DCP2: variants seen among roughly 807,000 people sequenced by gnomAD.
DCP2 encodes the protein decapping mRNA 2, also known as m7GpppN-mRNA hydrolase.
A neutral mutation model predicts 56.1 loss-of-function variants in DCP2; 30 were observed. The observed-to-expected ratio is 0.53, with a 90% confidence interval of 0.40 to 0.73. The LOEUF (loss-of-function observed/expected upper bound fraction) is 0.73, where lower values mean the gene tolerates loss of function less well. DCP2 is among the 30% of genes least tolerant of loss of function. DCP2 has a pLI of 0.00. For synonymous variants in DCP2, 197 were observed against 163.3 expected (o/e 1.21, Z -1.57); for missense variants, 533 against 502.7 (o/e 1.06, Z -0.58).
intron 9 of DCP2, among the ~76,000 whole-genome samples, chr5:113,008,906 C>T (rs531356667): frequency 1.3e-5 from 2 of 151,820 alleles, no homozygotes; most frequent in Admixed American, 1.3e-4. Context: ...TGCAGTGGCA[C>T]GATCTCGGCT....
chr5:112,999,304 T>C (rs1222872264), intron 4 of DCP2, among the ~76,000 whole-genome samples: 1 of 152,132 alleles, frequency 6.6e-6, no homozygotes, highest in Non-Finnish European at 1.5e-5. Flanking sequence ...AAGAAACATA[T>C]AAAAATTACT....
chr5:112,977,582 A>T (rs1747778448), intron 1 of DCP2, among the ~76,000 whole-genome samples: 1 of 152,072 alleles, frequency 6.6e-6, no homozygotes, highest in Admixed American at 6.5e-5. Context: ...GAGAGGGAAA[A>T]AGTGTAGCGC....
rs184313574 is a variant in DCP2 at position 113,000,980 on chromosome 5, A to G, written c.433-104A>G. 7.2e-6 allele frequency: 8 copies of G among 1,117,348 alleles called. No individual in the cohort carries two copies. In the African/African-American group the frequency reaches 9.4e-5, roughly 13 times the overall value. 69.2% of individuals were successfully genotyped at this position (1,117,348 alleles called of 1,614,324 possible). ...TGTCATTTCTAGAAATAGTAAATAC[A>G]AGTCATGTCCCCTTTTTCTGAGTTT... On this transcript the variant is annotated intron_variant, in intron 4 of 10. Coordinates refer to ENST00000389063, the MANE Select transcript of DCP2 (RefSeq NM_152624.6).
At position 112,990,155 on chromosome 5, in the gene DCP2, C is replaced by T. The variant is rs371869222; in HGVS notation, c.206-1966C>T. On this transcript the variant is annotated intron_variant, in intron 2 of 10. Transcript: ENST00000389063. The stretch of plus-strand genomic sequence containing the variant: ...GGAATTGATGGGTTCTGTTATGGGC[C>T]AGTTGAGTTGATGGTACATGTGGGA... Among the ~76,000 whole-genome samples the T allele has an allele frequency of 1.3e-3, 204 of 152,130 alleles. 1 individual carries two copies. Among genetic ancestry groups the T allele is most frequent in the African/African-American group, 4.8e-3 (199 of 41,512 alleles).
rs1225787378 is a variant in DCP2, at chr5:113,017,677, G to T, written c.*4193G>T. ...TATTGTTATAGAATCAAAGTGTCCT[G>T]AAGGGAGAAGAATAGCTATAGTTGC... On this transcript the variant is annotated 3_prime_UTR_variant, in exon 11 of 11. Coordinates refer to ENST00000389063, the MANE Select transcript of DCP2 (RefSeq NM_152624.6). The T allele has an allele frequency of 6.6e-6, 1 of 152,156 alleles. No individual in the cohort carries two copies. The highest frequency in any genetic ancestry group is 1.9e-4 in the East Asian group (1 of 5,202). The allele number at this position is 152,156 out of a possible 1,614,324, so 9.4% of individuals were successfully genotyped here.
chr5:113,020,962 A>G lies in DCP2; in HGVS notation c.*7478A>G. 1 of 152,210 alleles carries G rather than the reference A, an allele frequency of 6.6e-6. No individual in the cohort carries two copies. The highest frequency in any genetic ancestry group is 1.9e-4 in the East Asian group (1 of 5,202). The allele number at this position is 152,210 out of a possible 1,614,324, so 9.4% of individuals were successfully genotyped here. ...ATTGGCTGCTTGGGCGGTTTTAGTT[A>G]CCACCTTAGCCTGGTTTTCTGCTAC... On this transcript the variant is annotated 3_prime_UTR_variant, in exon 11 of 11. Transcript: ENST00000389063.
intron 1 of DCP2, among the ~76,000 whole-genome samples, chr5:112,979,159 G>T (rs1580787473): frequency 6.6e-6 from 1 of 152,108 alleles, no homozygotes; most frequent in Admixed American, 6.5e-5. Context: ...TTTTTGAATG[G>T]AGTAACATTT....
chr5:112,984,697 A>ATATATATATATATAT lies in DCP2; in HGVS notation c.54-1138_54-1137insTATATATATATATAT, dbSNP rs1436502850. On this transcript the variant is annotated intron_variant, in intron 1 of 10. Coordinates refer to ENST00000389063, the MANE Select transcript of DCP2 (RefSeq NM_152624.6). ...TTTTATTTCTTAATTAAAAAAAAAA[A>ATATATATATATATAT]AAAAAAATATATATATATATATATA... The ATATATATATATATAT allele has an allele frequency of 1.3e-3, 97 of 76,116 alleles. 1 individual carries two copies. Among genetic ancestry groups the ATATATATATATATAT allele is most frequent in the African/African-American group, 1.7e-3 (22 of 12,654 alleles). 4.7% of individuals were successfully genotyped at this position (76,116 alleles called of 1,614,324 possible).
At chr5:112,987,293 G>A (rs1332840272) in intron 2 of DCP2, among the ~76,000 whole-genome samples, 2 of 152,070 alleles carry the variant, frequency 1.3e-5, no homozygotes, top group Non-Finnish European at 2.9e-5. Context: ...AGAAAAATTG[G>A]AGATTTGAAA....
chr5:112,981,499 A>T (rs1748001427), intron 1 of DCP2, among the ~76,000 whole-genome samples: 1 of 152,170 alleles, frequency 6.6e-6, no homozygotes, highest in African/African-American at 2.4e-5. Context: ...TACGTCTGTT[A>T]TATTTTGTGC....
In DCP2 at chr5:113,015,103, A is replaced by T. The variant is rs1406125367; in HGVS notation, c.*1619A>T. 6.6e-6 allele frequency: 1 copy of T among 152,614 alleles called. No individual in the cohort carries two copies. Among genetic ancestry groups the T allele is most frequent in the African/African-American group, 2.4e-5 (1 of 41,448 alleles). The allele number at this position is 152,614 out of a possible 1,614,324, so 9.5% of individuals were successfully genotyped here. ...AATCCTGCATCTTTTAATGTGACAA[A>T]TTTTTGAATCCTGTGACTTTTGCTT... On this transcript the variant is annotated 3_prime_UTR_variant, in exon 11 of 11. Coordinates refer to ENST00000389063, the MANE Select transcript of DCP2 (RefSeq NM_152624.6).
At chr5:112,999,119 G>A (rs1055311668) in intron 4 of DCP2, among the ~76,000 whole-genome samples, 1 of 152,092 alleles carries the variant, frequency 6.6e-6, no homozygotes, top group Admixed American at 6.5e-5. Context: ...GTTAGATACT[G>A]TTGGTAACAC....
rs940332513 is a variant in DCP2 at position 113,019,459 on chromosome 5, G to T, written c.*5975G>T. On this transcript the variant is annotated 3_prime_UTR_variant, in exon 11 of 11. Coordinates refer to ENST00000389063, the MANE Select transcript of DCP2 (RefSeq NM_152624.6). The stretch of plus-strand genomic sequence containing the variant: ...TGTTCTAGGGGACTGCTGTCTCTTT[G>T]GTTCCTTTTAGGTTTGTGTTAGGAT... The T allele has an allele frequency of 6.6e-6, 1 of 151,968 alleles. No individual in the cohort carries two copies. The highest frequency in any genetic ancestry group is 1.5e-5 in the Non-Finnish European group (1 of 68,002). The allele number at this position is 151,968 out of a possible 1,614,324, so 9.4% of individuals were successfully genotyped here.
rs933417120 is a variant in DCP2 at position 113,021,291 on chromosome 5, C to T, written c.*7807C>T. On this transcript the variant is annotated 3_prime_UTR_variant, in exon 11 of 11. Coordinates refer to ENST00000389063, the MANE Select transcript of DCP2 (RefSeq NM_152624.6). ...CTGAGGCAGGAGAATCTCTTGACCC[C>T]GGGAGGCAGAGGTCGCAGTGAGCTG... Among the ~76,000 whole-genome samples, 5 of 149,260 alleles carry T rather than the reference C, an allele frequency of 3.3e-5. No homozygotes were observed. Among genetic ancestry groups the T allele is most frequent in the East Asian group, 4.1e-4 (2 of 4,910 alleles).
At position 113,019,381 on chromosome 5, in the gene DCP2, A is replaced by T. The variant is rs559785214; in HGVS notation, c.*5897A>T. ...TGCACTATACATATGATACGCACTG[A>T]CAGAAAAGCACAGAAGACATACTGC... On this transcript the variant is annotated 3_prime_UTR_variant, in exon 11 of 11. Transcript: ENST00000389063. The T allele has an allele frequency of 6.6e-6, 1 of 152,244 alleles. No homozygotes were observed. The highest frequency in any genetic ancestry group is 1.5e-5 in the Non-Finnish European group (1 of 68,048). 9.4% of individuals were successfully genotyped at this position (152,244 alleles called of 1,614,324 possible). A position where few individuals can be genotyped will look rare whatever the true frequency, so the allele number is the denominator to read the frequency against.
intron 8 of DCP2, among the ~76,000 whole-genome samples, chr5:113,006,532 C>T (rs1580829524): frequency 1.3e-5 from 2 of 152,194 alleles, no homozygotes; most frequent in Non-Finnish European, 2.9e-5. Flanking sequence ...ACTTCCTTCA[C>T]ATCACTTACT....
chr5:113,009,935 T>TTTG (rs1324087021), intron 9 of DCP2, among the ~76,000 whole-genome samples: 1 of 151,326 alleles, frequency 6.6e-6, no homozygotes, highest in Non-Finnish European at 1.5e-5. Context: ...TTTTTTTTTT[T>TTTG]GAGACAGGGT....
chr5:112,983,959 A>C (rs1008759237), intron 1 of DCP2: 2 of 152,240 alleles, frequency 1.3e-5, no homozygotes, highest in Non-Finnish European at 2.9e-5. Context: ...TCCCCTTTGC[A>C]TCCTTCCTTC....
chr5:112,984,990 C>G (rs1016601661), intron 1 of DCP2, among the ~76,000 whole-genome samples: 2 of 151,768 alleles, frequency 1.3e-5, no homozygotes, highest in Non-Finnish European at 2.9e-5. Flanking sequence ...AGCAAGTGAT[C>G]AAACTGGGTG....
Sources: gnomAD v4.1 joint callset for allele counts (sites outside exome capture counted in the v4.1 genomes callset) on GRCh38, gnomAD v4.1.1 for gene constraint, MANE v1.5 for transcripts, NCBI Gene and HGNC (gene_info 2026-07-23, HGNC 2026-07-21) for gene names.